Variants in ANO2 observed in about 807,000 individuals in gnomAD.
ANO2 encodes the protein anoctamin 2.
ANO2 carries 101 observed loss-of-function variants against 124.2 expected under a neutral mutation model. That is an observed-to-expected ratio of 0.81 (90% confidence interval 0.69 to 0.96). The LOEUF is 0.96. Ranked by LOEUF, ANO2 falls within the 40% of genes least tolerant of loss-of-function variation. ANO2 has a pLI of 0.00. For missense variants in ANO2, 1,293 were observed against 1,274.5 expected, an observed-to-expected ratio of 1.01 and a Z score of -0.22; for synonymous variants, 486 against 482.5, an observed-to-expected ratio of 1.01 and a Z score of -0.09.
At chr12:5,879,065 A>G (rs1209194426) in intron 3 of ANO2, among the ~76,000 whole-genome samples, 1 of 152,240 alleles carries the variant, frequency 6.6e-6, no homozygotes, top group East Asian at 1.9e-4. Context: ...AGTGTTCTTC[A>G]TCCTTCTCCA....
intron 3 of ANO2, among the ~76,000 whole-genome samples, chr12:5,872,780 T>C (rs991374080): frequency 6.6e-6 from 1 of 152,122 alleles, no homozygotes; most frequent in Admixed American, 6.5e-5. Flanking sequence ...CATGGTGTAA[T>C]GCAAAGGAAT....
intron 4 of ANO2, among the ~76,000 whole-genome samples, chr12:5,840,966 T>C (rs1339671389): frequency 2.0e-5 from 3 of 151,454 alleles, no homozygotes; most frequent in Non-Finnish European, 4.4e-5. Flanking sequence ...AGCCGAACAA[T>C]AGGAAAGGGG....
chr12:5,926,709 A>G (rs984740889), intron 1 of ANO2, among the ~76,000 whole-genome samples: 9 of 152,214 alleles, frequency 5.9e-5, no homozygotes, highest in Non-Finnish European at 1.0e-4. Context: ...ATATTCAGAT[A>G]CTACTAAGAA....
chr12:5,681,144 T>C (rs991461305), intron 14 of ANO2, among the ~76,000 whole-genome samples: 6 of 152,098 alleles, frequency 3.9e-5, no homozygotes, highest in African/African-American at 9.7e-5. Flanking sequence ...GGGGAGGTGA[T>C]TGCTAAGCAG....
chr12:5,863,375 A>G (rs1955332343), intron 3 of ANO2, among the ~76,000 whole-genome samples: 1 of 152,184 alleles, frequency 6.6e-6, no homozygotes, highest in African/African-American at 2.4e-5. Flanking sequence ...ATAGGGAATA[A>G]TCCTCACCAT....
At position 5,908,754 on chromosome 12, in the gene ANO2, C is replaced by T. The variant is rs1940857519; in HGVS notation, c.534+12286G>A. Among the ~76,000 whole-genome samples, 1 of 152,260 alleles carries T rather than the reference C, an allele frequency of 6.6e-6. No individual in the cohort carries two copies. Among genetic ancestry groups the T allele is most frequent in the Non-Finnish European group, 1.5e-5 (1 of 68,054 alleles). ...GCTCAGCAGACAGTGACACAGCTAACATCCCCAACAGCTGCTCTTCCTTTT... is the reference window on the plus strand; with the variant it reads ...GCTCAGCAGACAGTGACACAGCTAATATCCCCAACAGCTGCTCTTCCTTTT... On this transcript the variant is annotated intron_variant, in intron 3 of 24. Transcript: ENST00000682330. This position sits in a 1 kb window ranked among gnomAD's most constrained non-coding sequence, Gnocchi z 4.7.
intron 3 of ANO2, among the ~76,000 whole-genome samples, chr12:5,917,207 A>G (rs61908407): frequency 0.15 from 23,057 of 152,154 alleles, 1,986 homozygotes; most frequent in Middle Eastern, 0.2. Context: ...TCTGACAGAA[A>G]CCAGAATGAA....
chr12:5,783,179 A>G (rs1952452110), intron 10 of ANO2, among the ~76,000 whole-genome samples: 1 of 152,180 alleles, frequency 6.6e-6, no homozygotes, highest in African/African-American at 2.4e-5. Flanking sequence ...GCCAAATCAG[A>G]CCTTTCTGTC....
chr12:5,587,068 A>C (rs937460103), intron 20 of ANO2, among the ~76,000 whole-genome samples: 2 of 152,226 alleles, frequency 1.3e-5, no homozygotes, highest in Non-Finnish European at 2.9e-5. Flanking sequence ...TCCAACTGAC[A>C]GCCCGTCCCC....
At chr12:5,876,315 C>T (rs373888201) in intron 3 of ANO2, among the ~76,000 whole-genome samples, 14 of 152,200 alleles carry the variant, frequency 9.2e-5, no homozygotes, top group African/African-American at 3.1e-4. Flanking sequence ...CTCTTAGAAC[C>T]GCATCATATT....
At chr12:5,841,376 G>T (rs1954509031) in intron 4 of ANO2, among the ~76,000 whole-genome samples, 1 of 152,188 alleles carries the variant, frequency 6.6e-6, no homozygotes. Context: ...ACTGAGTGTA[G>T]ACAGACAGTG....
intron 4 of ANO2, among the ~76,000 whole-genome samples, chr12:5,848,647 G>A (rs1954764801): frequency 6.6e-6 from 1 of 152,192 alleles, no homozygotes; most frequent in African/African-American, 2.4e-5. Flanking sequence ...CACAGGTGGA[G>A]CCGTCGTGTT....
chr12:5,904,588 T>C lies in ANO2; in HGVS notation c.534+16452A>G, dbSNP rs1940548048. On this transcript the variant is annotated intron_variant, in intron 3 of 24. Coordinates refer to ENST00000682330, the MANE Select transcript of ANO2 (RefSeq NM_001364791.2). The surrounding 1 kb of genome is among the most constrained non-coding windows in gnomAD (Gnocchi z 4.1). ...GGGCAGCTGACACTCCACATCGTCCTGTCCTCCCTGCCAGAGCCCCAGGTG... is the reference window on the plus strand; with the variant it reads ...GGGCAGCTGACACTCCACATCGTCCCGTCCTCCCTGCCAGAGCCCCAGGTG... Among the ~76,000 whole-genome samples, 1 of 152,208 alleles carries C rather than the reference T, an allele frequency of 6.6e-6. No homozygotes were observed. The highest frequency in any genetic ancestry group is 2.1e-4 in the South Asian group (1 of 4,830).
At chr12:5,584,131 A>ACCCCCCCC (rs35425375) in intron 20 of ANO2, 5 of 132,916 alleles carry the variant, frequency 3.8e-5, no homozygotes, top group African/African-American at 1.2e-4. Context: ...TTTAATGAAC[A>ACCCCCCCC]CCCCCCCCCC....
chr12:5,812,969 G>A (rs1178705135), intron 7 of ANO2, among the ~76,000 whole-genome samples: 1 of 118,796 alleles, frequency 8.4e-6, no homozygotes, highest in African/African-American at 3.1e-5. Context: ...AGAGAGGGAG[G>A]GAGGAAGGAA....
At chr12:5,946,003 G>T, upstream of ANO2, 1 of 881,994 alleles carries the variant, frequency 1.1e-6, no homozygotes, top group East Asian at 2.5e-5. The surrounding 1 kb of genome is among the most constrained non-coding windows in gnomAD (Gnocchi z 4.1). Context: ...GCAGGGGGAT[G>T]GGAGGGAAGA....
Position 5,755,651 on chromosome 12 carries a change from C to T in ANO2, c.1056-4681G>A, listed in dbSNP as rs370644691. Among the ~76,000 whole-genome samples the T allele has an allele frequency of 9.9e-5, 15 of 152,084 alleles. No homozygotes were observed. In the East Asian group the frequency reaches 1.7e-3, roughly 18 times the overall value. On this transcript the variant is annotated intron_variant, in intron 10 of 24. Coordinates refer to ENST00000682330, the MANE Select transcript of ANO2 (RefSeq NM_001364791.2). ...ATTCCCACCAATGAGTGAGAACATG[C>T]GGTGTTTGGTTTTTTGTCCTTCTGA... is the stretch of plus-strand genomic sequence containing the variant.
At chr12:5,866,711 A>G (rs1156752162) in intron 3 of ANO2, among the ~76,000 whole-genome samples, 1 of 152,202 alleles carries the variant, frequency 6.6e-6, no homozygotes, top group Non-Finnish European at 1.5e-5. Flanking sequence ...GAGCCTGGGG[A>G]TCCAGGGGGC....
At chr12:5,733,120 T>G (rs973305991) in intron 13 of ANO2, 1 of 582,716 alleles carries the variant, frequency 1.7e-6, no homozygotes, top group African/African-American at 1.9e-5. Context: ...TGCTCCATTA[T>G]TCTCTGAGCT....
Sources: gnomAD v4.1 joint callset for allele counts (sites outside exome capture counted in the v4.1 genomes callset) on GRCh38, gnomAD v4.1.1 for gene constraint, Gnocchi (gnomAD v3.1) non-coding constraint, MANE v1.5 for transcripts, NCBI Gene and HGNC (gene_info 2026-07-23, HGNC 2026-07-21) for gene names.